The following RALY variants were observed in gnomAD, a reference collection of about 807,000 sequenced individuals.
RALY encodes the protein RALY heterogeneous nuclear ribonucleoprotein, also known as RNA-binding protein Raly.
RALY carries 15 observed loss-of-function variants against 30.7 expected under a neutral mutation model. That is an observed-to-expected ratio of 0.49 (90% CI 0.33 to 0.75). The LOEUF (loss-of-function observed/expected upper bound fraction) is 0.75. Among genes scored for constraint, RALY ranks in the 30% least tolerant of loss-of-function variants. The pLI is 0.02. For synonymous variants in RALY, 177 were observed against 170.8 expected (o/e 1.04, Z -0.28); for missense variants, 339 against 414.3 (o/e 0.82, Z 1.58).
intron 2 of RALY, among the ~76,000 whole-genome samples, chr20:34,047,352 G>T (rs575808842): frequency 2.0e-5 from 3 of 152,320 alleles, no homozygotes; most frequent in African/African-American, 7.2e-5. Context: ...CAAATAAAAG[G>T]TTTCTGGGGT....
At chr20:34,061,031 G>A (rs937963661) in intron 2 of RALY, among the ~76,000 whole-genome samples, 1 of 152,170 alleles carries the variant, frequency 6.6e-6, no homozygotes, top group African/African-American at 2.4e-5. Context: ...AGACTGGTTT[G>A]TAAACAGCCA....
chr20:34,026,095 C>T (rs6142082), intron 1 of RALY, among the ~76,000 whole-genome samples: 1 of 151,966 alleles, frequency 6.6e-6, no homozygotes, highest in Non-Finnish European at 1.5e-5. Flanking sequence ...GAGGAAGAAC[C>T]TGCTTGTCTT....
At chr20:34,000,887 G>A (rs1039257290) in intron 1 of RALY, among the ~76,000 whole-genome samples, 13 of 152,300 alleles carry the variant, frequency 8.5e-5, no homozygotes, top group African/African-American at 3.1e-4. Flanking sequence ...TGGGATCTCT[G>A]TCTTCCTGTC....
chr20:34,031,964 T>C (rs1323586414), intron 2 of RALY, among the ~76,000 whole-genome samples: 1 of 152,172 alleles, frequency 6.6e-6, no homozygotes, highest in Non-Finnish European at 1.5e-5. Flanking sequence ...TCACAGCCCT[T>C]AGAGACTTGT....
At chr20:34,006,288 A>G (rs2031153565) in intron 1 of RALY, among the ~76,000 whole-genome samples, 1 of 152,220 alleles carries the variant, frequency 6.6e-6, no homozygotes, top group African/African-American at 2.4e-5. Context: ...GCTTTGAAGA[A>G]AATCTCAGCT....
rs200316733 is a variant in RALY at position 34,058,504 on chromosome 20, C to CTTAT, written c.-9-13560_-9-13559insATTT. ...AACCATACAATGCCCTATCCCCATA[C>CTTAT]TTCTCAATGACTAATCCAAGAAAAG... On this transcript the variant is annotated intron_variant, in intron 2 of 9. Coordinates refer to ENST00000246194, the MANE Select transcript of RALY (RefSeq NM_016732.3). Among the ~76,000 whole-genome samples the CTTAT allele has an allele frequency of 4.2e-4, 64 of 151,872 alleles. 1 individual carries two copies. Among genetic ancestry groups the CTTAT allele is most frequent in the Middle Eastern group, 6.8e-3 (2 of 294 alleles).
chr20:34,052,163 A>T (rs1350909958), intron 2 of RALY, among the ~76,000 whole-genome samples: 1 of 152,216 alleles, frequency 6.6e-6, no homozygotes, highest in African/African-American at 2.4e-5. Flanking sequence ...AGATTGAATA[A>T]TGCTAATAAG....
intron 1 of RALY, among the ~76,000 whole-genome samples, chr20:34,019,366 C>T (rs1456246940): frequency 6.6e-6 from 1 of 151,940 alleles, no homozygotes; most frequent in Admixed American, 6.6e-5. Context: ...CTTCACATAG[C>T]TCCAGTTCCT....
intron 2 of RALY, among the ~76,000 whole-genome samples, chr20:34,039,601 G>A (rs763025692): frequency 2.0e-5 from 3 of 152,146 alleles, no homozygotes; most frequent in Non-Finnish European, 2.9e-5. Context: ...GCCAGGCTTT[G>A]TCTAGCCCTA....
chr20:34,038,259 G>A (rs1047639993), intron 2 of RALY, among the ~76,000 whole-genome samples: 2 of 152,152 alleles, frequency 1.3e-5, no homozygotes, highest in Admixed American at 6.5e-5. Flanking sequence ...TAACTGGAAG[G>A]CAGTTCTAGG....
rs762394194 is a variant in RALY, at chr20:34,082,507, T to C, written c.*2602T>C. The stretch of plus-strand genomic sequence containing the variant: ...GGCTTGTGACCATAGGCTTCCTTAG[T>C]ATGCCAGGCTTGGAGAACCGTGAGA... On this transcript the variant is annotated 3_prime_UTR_variant, in exon 10 of 10. Transcript: ENST00000246194. 1 of 152,252 alleles carries C rather than the reference T, an allele frequency of 6.6e-6. No homozygotes were observed. The highest frequency in any genetic ancestry group is 1.5e-5 in the Non-Finnish European group (1 of 68,052). The allele number at this position is 152,252 out of a possible 1,614,324, so 9.4% of individuals were successfully genotyped here.
chr20:34,015,426 T>C (rs2031568032), intron 1 of RALY, among the ~76,000 whole-genome samples: 1 of 152,170 alleles, frequency 6.6e-6, no homozygotes, highest in Non-Finnish European at 1.5e-5. Flanking sequence ...TACTTCTTTT[T>C]TGCACTTTTC....
At chr20:34,001,958 G>A (rs1350478531) in intron 1 of RALY, among the ~76,000 whole-genome samples, 5 of 152,068 alleles carry the variant, frequency 3.3e-5, no homozygotes, top group Admixed American at 2.0e-4. Flanking sequence ...TAGTAGAGAC[G>A]GGGTTTCACA....
chr20:34,054,150 T>C (rs2033167442), intron 2 of RALY, among the ~76,000 whole-genome samples: 1 of 152,238 alleles, frequency 6.6e-6, no homozygotes, highest in Non-Finnish European at 1.5e-5. Context: ...CACGGTTCAC[T>C]GTTAAGGAGT....
chr20:34,022,370 A>G (rs2031862074), intron 1 of RALY, among the ~76,000 whole-genome samples: 1 of 152,062 alleles, frequency 6.6e-6, no homozygotes, highest in Admixed American at 6.6e-5. Flanking sequence ...GGGTAGGCAG[A>G]AGGTTTTGAT....
intron 2 of RALY, among the ~76,000 whole-genome samples, chr20:34,038,375 G>A (rs1021625235): frequency 1.3e-5 from 2 of 152,154 alleles, no homozygotes; most frequent in African/African-American, 2.4e-5. Flanking sequence ...GTCTGTGAGC[G>A]TTGGTGGTTC....
chr20:34,028,797 AAATT>A (rs1160287354), intron 1 of RALY, among the ~76,000 whole-genome samples: 1 of 151,912 alleles, frequency 6.6e-6, no homozygotes, highest in East Asian at 1.9e-4. Flanking sequence ...TAGGCCTTGA[AAATT>A]AAGAAGGGTT....
intron 2 of RALY, among the ~76,000 whole-genome samples, chr20:34,032,222 C>T (rs1215992938): frequency 6.6e-6 from 1 of 152,204 alleles, no homozygotes; most frequent in African/African-American, 2.4e-5. Flanking sequence ...CTCGGCCTTC[C>T]AAAGTGTTGG....
At chr20:34,065,711 T>C (rs1047539246) in intron 2 of RALY, among the ~76,000 whole-genome samples, 4 of 152,202 alleles carry the variant, frequency 2.6e-5, no homozygotes, top group African/African-American at 9.7e-5. Flanking sequence ...GAAATAGTCT[T>C]CCCATCACTA....
Sources: allele counts gnomAD v4.1 joint callset (sites outside exome capture counted in the v4.1 genomes callset), GRCh38; gene constraint gnomAD v4.1.1; transcripts MANE v1.5; gene names NCBI Gene and HGNC (gene_info 2026-07-23, HGNC 2026-07-21).